PLEKHA6: variants seen among roughly 807,000 people sequenced by gnomAD.
PLEKHA6 encodes pleckstrin homology domain-containing family A member 6.
A neutral mutation model predicts 116.7 loss-of-function variants in PLEKHA6; 60 were observed. The ratio of observed to expected loss-of-function variants is 0.51; its 90% CI spans 0.42 to 0.64. The LOEUF (loss-of-function observed/expected upper bound fraction) is 0.64, where lower values mean the gene tolerates loss of function less well. Ranked by LOEUF, PLEKHA6 falls within the 30% of genes least tolerant of loss-of-function variation. The pLI, the probability that PLEKHA6 is intolerant of heterozygous loss-of-function variation, is 0.00. For missense variants in PLEKHA6, 1,338 were observed against 1,422.7 expected (o/e 0.94, Z 0.96); for synonymous variants, 489 against 556.1 (o/e 0.88, Z 1.70).
chr1:204,227,565 A>G (rs1660531551), intron 21 of PLEKHA6, among the ~76,000 whole-genome samples: 1 of 152,158 alleles, frequency 6.6e-6, no homozygotes, highest in African/African-American at 2.4e-5. Context: ...TTCTTAGCAG[A>G]AAAGTGAGTT....
chr1:204,237,464 C>T (rs1307438357), intron 17 of PLEKHA6, among the ~76,000 whole-genome samples: 2 of 152,190 alleles, frequency 1.3e-5, no homozygotes, highest in East Asian at 3.8e-4. Flanking sequence ...CACCACATCC[C>T]CATTCAACTC....
At chr1:204,279,239 T>G (rs966334019) in intron 1 of PLEKHA6, among the ~76,000 whole-genome samples, 2 of 152,148 alleles carry the variant, frequency 1.3e-5, no homozygotes, top group Non-Finnish European at 1.5e-5. Context: ...CAAGTTAAAT[T>G]ACTTCTCCTA....
In PLEKHA6 at chr1:204,231,169, C is replaced by A. The variant is rs1284419327; in HGVS notation, c.2410-583G>T. 3.3e-5 allele frequency among the ~76,000 whole-genome samples: 5 copies of A among 152,246 alleles called. No individual in the cohort carries two copies. The East Asian group carries it at 7.7e-4, about 24-fold the overall frequency. Reference sequence around the variant, plus strand: ...CACATACCTAAAAATGTGGTAGAGACTTTGTAATTGGCTAACGGGTAGAGG... The same window carrying A: ...CACATACCTAAAAATGTGGTAGAGAATTTGTAATTGGCTAACGGGTAGAGG... On this transcript the variant is annotated intron_variant, in intron 17 of 22. Coordinates refer to ENST00000272203, the MANE Select transcript of PLEKHA6 (RefSeq NM_014935.5).
chr1:204,357,836 G>A (rs1673458073), intron 1 of PLEKHA6, among the ~76,000 whole-genome samples: 1 of 152,256 alleles, frequency 6.6e-6, no homozygotes, highest in Admixed American at 6.5e-5. Flanking sequence ...CTATGAGCCC[G>A]AGGCTGCAGG....
At chr1:204,275,629 G>A in intron 1 of PLEKHA6, 1 of 861,328 alleles carries the variant, frequency 1.2e-6, no homozygotes, top group Non-Finnish European at 1.4e-6. Context: ...GGCTGGCTGA[G>A]TGTCAGGACA....
chr1:204,308,263 C>T (rs933440455), intron 1 of PLEKHA6, among the ~76,000 whole-genome samples: 1 of 152,206 alleles, frequency 6.6e-6, no homozygotes, highest in Admixed American at 6.5e-5. Flanking sequence ...AAATAAGAGG[C>T]TTACAAGTCA....
intron 15 of PLEKHA6, 100 bp from the exon 16 acceptor site, chr1:204,241,914 C>T (rs1662877568): frequency 7.7e-7 from 1 of 1,295,610 alleles, no homozygotes; most frequent in African/African-American, 1.5e-5. Context: ...AAGCTCAAAC[C>T]CTTGCAGATA....
chr1:204,370,304 G>A (rs1673748965), intron 2 of PLEKHA6, among the ~76,000 whole-genome samples: 1 of 152,378 alleles, frequency 6.6e-6, no homozygotes, highest in East Asian at 1.9e-4. Flanking sequence ...GCTTCATCCT[G>A]TGTGTCCAGC....
At chr1:204,279,282 C>T (rs1430912591) in intron 1 of PLEKHA6, among the ~76,000 whole-genome samples, 4 of 152,150 alleles carry the variant, frequency 2.6e-5, no homozygotes, top group South Asian at 2.1e-4. Flanking sequence ...GGAGTAGGAA[C>T]GAAGGAAGGC....
At chr1:204,336,658 G>T (rs1672659498) in intron 1 of PLEKHA6, among the ~76,000 whole-genome samples, 1 of 152,124 alleles carries the variant, frequency 6.6e-6, no homozygotes, top group Non-Finnish European at 1.5e-5. Flanking sequence ...TGCCCAGCTT[G>T]CATTCTGCCC....
intron 3 of PLEKHA6, among the ~76,000 whole-genome samples, chr1:204,366,015 G>A (rs1673640858): frequency 6.6e-6 from 1 of 152,214 alleles, no homozygotes; most frequent in African/African-American, 2.4e-5. Context: ...CAAGCGCCAA[G>A]GCTCTGAGGT....
At chr1:204,327,105 T>A in intron 1 of PLEKHA6, 1 of 651,390 alleles carries the variant, frequency 1.5e-6, no homozygotes, top group Non-Finnish European at 1.9e-6. Context: ...TCTGCTCACA[T>A]GCTTGAGTCA....
intron 9 of PLEKHA6, among the ~76,000 whole-genome samples, chr1:204,254,787 C>T (rs988322126): frequency 6.6e-5 from 10 of 152,146 alleles, no homozygotes; most frequent in Admixed American, 3.9e-4. Flanking sequence ...ATTTCCACCC[C>T]TCCAGGCTGC....
intron 12 of PLEKHA6, among the ~76,000 whole-genome samples, chr1:204,248,245 G>T (rs1173172240): frequency 7.3e-6 from 1 of 136,322 alleles, no homozygotes. Flanking sequence ...GGCAACCTCC[G>T]CCTCATGGGT....
At chr1:204,311,126 A>G (rs1053948319) in intron 1 of PLEKHA6, among the ~76,000 whole-genome samples, 1 of 152,200 alleles carries the variant, frequency 6.6e-6, no homozygotes. Flanking sequence ...ATGGTTATCC[A>G]CAGGCCGCTT....
intron 1 of PLEKHA6, among the ~76,000 whole-genome samples, chr1:204,323,032 A>G (rs1007433685): frequency 6.6e-6 from 1 of 152,150 alleles, no homozygotes; most frequent in Non-Finnish European, 1.5e-5. Context: ...CCGCTTTTAC[A>G]TTGGTTAGAG....
chr1:204,370,716 G>A (rs938741039), intron 2 of PLEKHA6, among the ~76,000 whole-genome samples: 9 of 152,070 alleles, frequency 5.9e-5, no homozygotes, highest in Non-Finnish European at 1.0e-4. Context: ...AGAAACAGGC[G>A]CTCCCACTAG....
chr1:204,333,346 T>C (rs1268000275), intron 1 of PLEKHA6, among the ~76,000 whole-genome samples: 10 of 152,218 alleles, frequency 6.6e-5, no homozygotes, highest in Admixed American at 5.2e-4. Flanking sequence ...TTCTTTACTC[T>C]ACTGGGGAGG....
chr1:204,253,509 G>A (rs1285532402), intron 9 of PLEKHA6, among the ~76,000 whole-genome samples: 4 of 152,038 alleles, frequency 2.6e-5, no homozygotes, highest in East Asian at 1.9e-4. Flanking sequence ...GTGAAAGGGC[G>A]AGACTCCTTC....
Sources: gnomAD v4.1 joint callset for allele counts (sites outside exome capture counted in the v4.1 genomes callset) on GRCh38, gnomAD v4.1.1 for gene constraint, MANE v1.5 for transcripts, NCBI Gene and HGNC (gene_info 2026-07-23, HGNC 2026-07-21) for gene names.